Variants in SV2C observed in about 807,000 individuals in gnomAD.
SV2C encodes the protein solute carrier family 22 member B3.
SV2C carries 49 observed loss-of-function variants against 79.7 expected under a neutral mutation model. The observed-to-expected ratio is 0.61, with a 90% CI of 0.49 to 0.78. SV2C has a LOEUF of 0.78. Ranked by LOEUF, SV2C falls within the 30% of genes least tolerant of loss-of-function variation. The pLI is 0.00. For synonymous variants in SV2C, 334 were observed against 333.2 expected, an observed-to-expected ratio of 1.00 and a Z score of -0.03; for missense variants, 833 against 912.9, an observed-to-expected ratio of 0.91 and a Z score of 1.13.
intron 6 of SV2C, among the ~76,000 whole-genome samples, chr5:76,286,504 A>C (rs1747363108): frequency 6.6e-6 from 1 of 152,190 alleles, no homozygotes; most frequent in African/African-American, 2.4e-5. Flanking sequence ...TGGAATACAT[A>C]GTAAATGGTA....
the SV2C span, among the ~76,000 whole-genome samples, chr5:76,010,844 G>C: frequency 6.9e-6 from 1 of 144,708 alleles, no homozygotes; most frequent in African/African-American, 2.4e-5. Context: ...ACTAAACTTA[G>C]AAAGAAGAAG....
intron 5 of SV2C, 44 bp from the exon 6 acceptor site, chr5:76,285,737 A>C (rs1484970857): frequency 1.9e-6 from 3 of 1,540,426 alleles, no homozygotes; most frequent in Non-Finnish European, 2.7e-6. Context: ...AGGGAGGGTA[A>C]GTGTGTCACT....
chr5:76,338,533 C>A (rs1018614677), downstream of SV2C, among the ~76,000 whole-genome samples: 8 of 152,194 alleles, frequency 5.3e-5, no homozygotes, highest in Non-Finnish European at 1.0e-4. Context: ...TTGGACATAT[C>A]CCACCCCCAC....
chr5:76,174,519 A>G (rs763726395), intron 2 of SV2C, among the ~76,000 whole-genome samples: 2 of 152,200 alleles, frequency 1.3e-5, no homozygotes, highest in Non-Finnish European at 2.9e-5. Context: ...CTTCTTTGCC[A>G]TGGCACTGCC....
chr5:76,272,980 AT>A (rs1486043487), intron 4 of SV2C, among the ~76,000 whole-genome samples: 2 of 151,886 alleles, frequency 1.3e-5, no homozygotes, highest in Non-Finnish European at 2.9e-5. Context: ...ATGTGTGCCT[AT>A]TTGTGCTTTA....
At chr5:75,971,803 T>G in the SV2C span, among the ~76,000 whole-genome samples, 52 of 152,094 alleles carry the variant, frequency 3.4e-4, no homozygotes, top group African/African-American at 1.3e-3. Flanking sequence ...AACGACTTTC[T>G]TCACAGAATT....
rs938234693 is a variant in SV2C, at chr5:76,347,739, G to A, written c.2001-5391G>A. On this transcript the variant is annotated intron_variant, in intron 12 of 12. Transcript: ENST00000322285. ...TTGCAAGCGTGAGCCACCCGTGCCC[G>A]GTCCTAGCTATGTTATTTAATAGAC... Among the ~76,000 whole-genome samples, 11 of 152,154 alleles carry A rather than the reference G, an allele frequency of 7.2e-5. No homozygotes were observed. The East Asian group carries it at 1.3e-3, about 19-fold the overall frequency.
the SV2C span, among the ~76,000 whole-genome samples, chr5:75,949,119 C>T: frequency 6.6e-6 from 1 of 151,856 alleles, no homozygotes; most frequent in Non-Finnish European, 1.5e-5. Context: ...CCTCTTGCTC[C>T]TGCTTTAGTC....
chr5:76,267,418 C>A (rs1272985459), intron 4 of SV2C, among the ~76,000 whole-genome samples: 1 of 152,088 alleles, frequency 6.6e-6, no homozygotes, highest in Non-Finnish European at 1.5e-5. Flanking sequence ...AGTCCAAGTA[C>A]AATATGATGA....
At chr5:76,002,867 G>T in the SV2C span, among the ~76,000 whole-genome samples, 13 of 151,248 alleles carry the variant, frequency 8.6e-5, no homozygotes, top group Admixed American at 1.3e-4. Flanking sequence ...CTGTGCGTGT[G>T]TTTTTTTTAA....
intron 4 of SV2C, among the ~76,000 whole-genome samples, chr5:76,221,717 A>G (rs1428283928): frequency 6.6e-6 from 1 of 152,074 alleles, no homozygotes; most frequent in Non-Finnish European, 1.5e-5. Flanking sequence ...TTCAGAGTGG[A>G]TTAGACTTCC....
At chr5:76,199,454 G>T (rs17651293) in intron 3 of SV2C, among the ~76,000 whole-genome samples, 2 of 152,032 alleles carry the variant, frequency 1.3e-5, no homozygotes, top group African/African-American at 4.8e-5. Context: ...TCCCAGAGGC[G>T]TTTCCTGAGA....
rs267600692 is a variant in SV2C, at chr5:76,285,241, C to T, written c.993C>T (p.Val331=). 6.2e-7 allele frequency: 1 copy of T among 1,614,208 alleles called. No homozygotes were observed. Among genetic ancestry groups the T allele is most frequent in the African/African-American group, 1.3e-5 (1 of 75,058 alleles). ...VFVIVCALPC[V]SSVVALTFMP... is the part of the protein sequence containing the mutation. ...TCATCGTCTGTGCACTCCCCTGTGT[C>T]TCCTCCGTGGTGGCCCTCACATTCA... is the stretch of plus-strand genomic sequence containing the variant. Residue 331 remains valine, a synonymous_variant, in exon 5 of 13, where the codon GTC becomes GTT. Coordinates refer to ENST00000502798, the MANE Select transcript of SV2C (RefSeq NM_014979.4).
At chr5:76,079,638 C>T (rs984652520), upstream of SV2C, 1 of 347,300 alleles carries the variant, frequency 2.9e-6, no homozygotes, top group Admixed American at 3.3e-5. Context: ...CTGACAGAAG[C>T]CCTGCCACTC....
chr5:75,913,015 C>T, the SV2C span, among the ~76,000 whole-genome samples: 1 of 152,070 alleles, frequency 6.6e-6, no homozygotes, highest in African/African-American at 2.4e-5. Flanking sequence ...GGCAAGAATC[C>T]AAGAATGGCC....
chr5:76,285,824 A>G lies in SV2C; in HGVS notation c.1091A>G (p.His364Arg). The G allele has an allele frequency of 6.2e-7, 1 of 1,614,138 alleles. No individual in the cohort carries two copies. Among genetic ancestry groups the G allele is most frequent in the Non-Finnish European group, 8.5e-7 (1 of 1,179,994 alleles). Residue 364 changes from histidine to arginine, a missense_variant, in exon 6 of 13, where the codon CAT becomes CGT. Coordinates refer to ENST00000502798, the MANE Select transcript of SV2C (RefSeq NM_014979.4). The stretch of plus-strand genomic sequence containing the variant: ...GCTTGGATGATTCTGAAGTTAATTC[A>G]TGACACCAACATGAGAGCCCGGGGT... Reference protein sequence around the residue: ...DEAWMILKLIHDTNMRARGQP... With the variant: ...DEAWMILKLIRDTNMRARGQP...
intron 4 of SV2C, among the ~76,000 whole-genome samples, chr5:76,251,822 T>G (rs1256674882): frequency 1.3e-5 from 2 of 152,206 alleles, no homozygotes; most frequent in African/African-American, 4.8e-5. Flanking sequence ...TTCCAGGGAC[T>G]GACATCACTT....
chr5:76,184,085 C>G (rs1743832750), intron 2 of SV2C, among the ~76,000 whole-genome samples: 1 of 152,222 alleles, frequency 6.6e-6, no homozygotes, highest in Non-Finnish European at 1.5e-5. Context: ...CATCTGAACC[C>G]TATGCCAAAA....
chr5:76,342,752 G>T (rs1283420674), intron 12 of SV2C, among the ~76,000 whole-genome samples: 1 of 152,114 alleles, frequency 6.6e-6, no homozygotes, highest in Admixed American at 6.5e-5. Flanking sequence ...TACTTATTTG[G>T]GATATTCTTG....
Sources: gnomAD v4.1 joint callset for allele counts (sites outside exome capture counted in the v4.1 genomes callset) on GRCh38, gnomAD v4.1.1 for gene constraint, MANE v1.5 for transcripts, NCBI Gene and HGNC (gene_info 2026-07-23, HGNC 2026-07-21) for gene names.